DNAH2: variants seen among roughly 807,000 people sequenced by gnomAD.
DNAH2 encodes dynein axonemal heavy chain 2.
In DNAH2, 323 loss-of-function variants were observed where a neutral mutation model predicts 523.5. The observed-to-expected ratio is 0.62, with a 90% CI of 0.56 to 0.68. The LOEUF is 0.68. Among genes scored for constraint, DNAH2 ranks in the 30% least tolerant of loss-of-function variants. DNAH2 has a pLI of 0.00. For synonymous variants in DNAH2, 2,093 were observed against 2,177.4 expected (o/e 0.96, Z 1.08); for missense variants, 4,907 against 5,701.5 (o/e 0.86, Z 4.49).
At chr17:7,779,571 T>C in intron 36 of DNAH2, 148 bp downstream of exon 36, 1 of 911,758 alleles carries the variant, frequency 1.1e-6, no homozygotes, top group Non-Finnish European at 1.6e-6. Flanking sequence ...GAGAGAAGGA[T>C]AAACACAACT....
At chr17:7,794,145 G>C in intron 48 of DNAH2, 109 bp from the exon 49 acceptor site, 1 of 666,562 alleles carries the variant, frequency 1.5e-6, no homozygotes, top group Non-Finnish European at 2.4e-6. Flanking sequence ...CTTCCCCTTT[G>C]TCCCTCCTCG....
rs764691892 is a variant in DNAH2, at chr17:7,807,209, G to T, written c.9502G>T (p.Val3168Phe). Residue 3168 changes from valine (V) to phenylalanine (F), a missense_variant, in exon 62 of 86, where the codon GTT becomes TTT. Physicochemically the swap from Val to Phe is conservative, Grantham distance 50. Coordinates refer to ENST00000572933, the MANE Select transcript of DNAH2 (RefSeq NM_020877.5). This position sits in a 1 kb window ranked among gnomAD's most constrained non-coding sequence, Gnocchi z 5.6. ...TGATAAAGACAATATCTCAGATAAG[G>T]TTCTGAAGAAGATTGGGGCCTACTG... ...NFDKDNISDK[V>F]LKKIGAYCAQ... 1 of 1,613,230 alleles carries T rather than the reference G, an allele frequency of 6.2e-7. No individual in the cohort carries two copies. The highest frequency in any genetic ancestry group is 1.1e-5 in the South Asian group (1 of 91,090).
chr17:7,759,766 T>C, intron 16 of DNAH2, 25 bp from the exon 17 acceptor site: 1 of 1,613,894 alleles, frequency 6.2e-7, no homozygotes, highest in Non-Finnish European at 8.5e-7. Flanking sequence ...GGCTTTTCTC[T>C]CCATCTCCAC....
At chr17:7,720,665 T>C (rs1409872118) in intron 2 of DNAH2, among the ~76,000 whole-genome samples, 4 of 152,190 alleles carry the variant, frequency 2.6e-5, no homozygotes, top group African/African-American at 9.7e-5. Flanking sequence ...ACACTGATAG[T>C]AGCTTGTGAA....
chr17:7,764,219 C>T lies in DNAH2; in HGVS notation c.3282C>T (p.Pro1094=), dbSNP rs757251785. 1.9e-6 allele frequency: 3 copies of T among 1,613,854 alleles called. No individual in the cohort carries two copies. The highest frequency in any genetic ancestry group is 2.2e-5 in the South Asian group (2 of 91,036). ...DLANVETQIP[P]IHEQFAILEK... ...CCAACGTGGAGACTCAGATCCCTCC[C>T]ATACACGAGCAATTTGCCATTCTTG... The change falls in exon 20 of 86, where the codon CCC becomes CCT. Residue 1094 remains proline (P), a synonymous_variant. Coordinates refer to ENST00000572933, the MANE Select transcript of DNAH2 (RefSeq NM_020877.5).
chr17:7,748,801 A>G (rs1274150327), intron 12 of DNAH2, among the ~76,000 whole-genome samples: 1 of 149,794 alleles, frequency 6.7e-6, no homozygotes, highest in Non-Finnish European at 1.5e-5. Flanking sequence ...CAGCCTCGCC[A>G]CACAGATTTT....
chr17:7,794,727 AG>A (rs2077015902), intron 49 of DNAH2, among the ~76,000 whole-genome samples: 1 of 151,258 alleles, frequency 6.6e-6, no homozygotes, highest in Admixed American at 6.6e-5. Flanking sequence ...CTCTGTAATC[AG>A]GAGAAATAAT....
chr17:7,761,648 C>T (rs1190277357), intron 18 of DNAH2, among the ~76,000 whole-genome samples: 1 of 152,046 alleles, frequency 6.6e-6, no homozygotes, highest in Non-Finnish European at 1.5e-5. Flanking sequence ...CCACGCCTGG[C>T]TAATTTTTGT....
Position 7,832,576 on chromosome 17 carries a change from C to T in DNAH2, c.12727-3C>T. The T allele has an allele frequency of 6.2e-7, 1 of 1,613,478 alleles. No homozygotes were observed. The stretch of plus-strand genomic sequence containing the variant: ...AGTGAATACACACGCACTCCTTCCC[C>T]AGGCATACCCCTCACAAAAGCCATT... On this transcript the variant is annotated splice_polypyrimidine_tract_variant and splice_region_variant and intron_variant, in intron 82 of 85. Transcript: ENST00000572933. This position sits in a 1 kb window ranked among gnomAD's most constrained non-coding sequence, Gnocchi z 4.3.
rs1196280472 is a variant in DNAH2 at position 7,779,433 on chromosome 17, A to C, written c.5722+10A>C. 6.2e-7 allele frequency: 1 copy of C among 1,612,478 alleles called. No individual in the cohort carries two copies. Among genetic ancestry groups the C allele is most frequent in the South Asian group, 1.1e-5 (1 of 90,748 alleles). On this transcript the variant is annotated intron_variant, in intron 36 of 85. Transcript: ENST00000572933. ...ATTACCATGAATCCTGGTAGGTGGC[A>C]GGGAGTGGATGGGACTCCTGGGGTG...
chr17:7,811,253 T>C (rs1267314138), intron 63 of DNAH2, among the ~76,000 whole-genome samples: 1 of 152,114 alleles, frequency 6.6e-6, no homozygotes, highest in East Asian at 1.9e-4. Context: ...GCTCCAATAA[T>C]AACAATATAC....
Position 7,767,941 on chromosome 17 carries a change from C to T in DNAH2, c.3717C>T (p.Asp1239=), listed in dbSNP as rs146539788. ...ALQQIWEIAR[D]WEENWNEWKT... ...AGCAAATCTGGGAGATCGCACGAGA[C>T]TGGGAGGAGAACTGGAATGAGTGGA... The change falls in exon 23 of 86, where the codon GAC becomes GAT. Residue 1239 remains aspartate, a synonymous_variant. Coordinates refer to ENST00000572933, the MANE Select transcript of DNAH2 (RefSeq NM_020877.5). 1 of 1,614,082 alleles carries T rather than the reference C, an allele frequency of 6.2e-7. No individual in the cohort carries two copies. The highest frequency in any genetic ancestry group is 8.5e-7 in the Non-Finnish European group (1 of 1,179,998).
Position 7,798,600 on chromosome 17 carries a change from C to G in DNAH2, c.8441C>G (p.Thr2814Ser). The change falls in exon 55 of 86, where the codon ACC (threonine) becomes AGC (serine). Residue 2814 changes from threonine (T) to serine (S), a missense_variant. Transcript: ENST00000572933. The surrounding 1 kb of genome is among the most constrained non-coding windows in gnomAD (Gnocchi z 5.5). ...LYRQAGVELK[T>S]TSFIFVDTQI... ...CGCCAGGCTGGGGTGGAGCTCAAGA[C>G]CACGTCCTTCATTTTTGTGGACACC... 3 of 1,614,160 alleles carry G rather than the reference C, an allele frequency of 1.9e-6. No homozygotes were observed. Among genetic ancestry groups the G allele is most frequent in the Non-Finnish European group, 2.5e-6 (3 of 1,180,028 alleles).
chr17:7,797,304 T>G, intron 51 of DNAH2, 43 bp downstream of exon 51: 1 of 1,613,766 alleles, frequency 6.2e-7, no homozygotes. Flanking sequence ...TTCCTCAGCC[T>G]TGCTCCCACC....
intron 61 of DNAH2, among the ~76,000 whole-genome samples, chr17:7,806,061 T>C (rs2077358595): frequency 6.6e-6 from 1 of 152,230 alleles, no homozygotes. Flanking sequence ...CTTACAATGG[T>C]TTGACTTAAG....
At chr17:7,767,451 G>C (rs1233745685) in intron 22 of DNAH2, among the ~76,000 whole-genome samples, 2 of 152,046 alleles carry the variant, frequency 1.3e-5, no homozygotes, top group Admixed American at 1.3e-4. Context: ...GTGAGTGTAA[G>C]CCTAGGGGTG....
chr17:7,791,159 C>T (rs1206431997), intron 44 of DNAH2, among the ~76,000 whole-genome samples: 1 of 152,006 alleles, frequency 6.6e-6, no homozygotes, highest in Non-Finnish European at 1.5e-5. Flanking sequence ...CTGCAACCTC[C>T]ACCTCCTGGG....
rs540570061 is a variant in DNAH2 at position 7,771,088 on chromosome 17, C to T, written c.4362+155C>T. Among the ~76,000 whole-genome samples, 93 of 152,302 alleles carry T rather than the reference C, an allele frequency of 6.1e-4. No individual in the cohort carries two copies. The South Asian group carries it at 8.9e-3, about 15-fold the overall frequency. ...TGTCTGATTCTTAGTTATTACCTCT[C>T]ACCTTAGATTCCCTCCGTAACAAGT... On this transcript the variant is annotated intron_variant, in intron 27 of 85. Coordinates refer to ENST00000572933, the MANE Select transcript of DNAH2 (RefSeq NM_020877.5).
At chr17:7,771,308 C>T (rs1306916349) in intron 27 of DNAH2, 22 bp from the exon 28 acceptor site, 9 of 1,613,958 alleles carry the variant, frequency 5.6e-6, no homozygotes, top group Non-Finnish European at 4.2e-6. Context: ...TGGCCTCTCA[C>T]CCCAACTTTT....
Sources: gnomAD v4.1 joint callset for allele counts (sites outside exome capture counted in the v4.1 genomes callset) on GRCh38, gnomAD v4.1.1 for gene constraint, Gnocchi (gnomAD v3.1) non-coding constraint, MANE v1.5 for transcripts, NCBI Gene and HGNC (gene_info 2026-07-23, HGNC 2026-07-21) for gene names.